Variants in RUBCNL observed in about 807,000 individuals in gnomAD.
RUBCNL encodes the protein rubicon like autophagy enhancer, also known as protein associated with UVRAG as autophagy enhancer.
RUBCNL carries 62 observed loss-of-function variants against 69.5 expected under a neutral mutation model. The observed-to-expected ratio is 0.89, with a 90% CI of 0.73 to 1.10. The LOEUF (loss-of-function observed/expected upper bound fraction) is 1.10. Among genes scored for constraint, RUBCNL ranks in the 50% least tolerant of loss-of-function variants. The probability of loss-of-function intolerance (pLI) is 0.00; values close to 1 mark genes in which losing one functional copy is unlikely to be tolerated. For synonymous variants in RUBCNL, 291 were observed against 303.6 expected (o/e 0.96, Z 0.43); for missense variants, 768 against 798.1 (o/e 0.96, Z 0.45).
chr13:46,363,626 G>C (rs2048681674), intron 5 of RUBCNL, among the ~76,000 whole-genome samples: 1 of 152,134 alleles, frequency 6.6e-6, no homozygotes, highest in Non-Finnish European at 1.5e-5. Context: ...GCTGAGGTAG[G>C]AGAATCACTT....
chr13:46,373,950 C>T (rs1336600989), intron 2 of RUBCNL, among the ~76,000 whole-genome samples: 1 of 152,238 alleles, frequency 6.6e-6, no homozygotes, highest in African/African-American at 2.4e-5. Flanking sequence ...TTCCAATTGC[C>T]CAAGCCTGAA....
At position 46,338,589 on chromosome 13, in the gene RUBCNL, G is replaced by A. The variant is rs560177020; in HGVS notation, c.*4796C>T. Among the ~76,000 whole-genome samples the A allele has an allele frequency of 2.0e-4, 31 of 152,242 alleles. 2 individuals are homozygous for A. The highest frequency in any genetic ancestry group is 6.0e-4 in the African/African-American group (25 of 41,530). ...TGTCTCCTCACCAATGGGGATGTAC[G>A]TAGCCCGAGGAAGGCCAGAGCAGGG... is the stretch of plus-strand genomic sequence containing the variant. On this transcript the variant is annotated 3_prime_UTR_variant, in exon 15 of 15. Coordinates refer to ENST00000429979, the MANE Select transcript of RUBCNL (RefSeq NM_025113.5).
rs763853071 is a variant in RUBCNL at position 46,350,122 on chromosome 13, G to A, written c.1560C>T (p.Asp520=). Residue 520 remains aspartate (D), a synonymous_variant, in exon 11 of 15, where the codon GAC becomes GAT. Transcript: ENST00000429979. ...TGGGGCTGCGGCTCACCTTCACTCT[G>A]TCCAGCTCCTTGGCTTTCGCATACA... ...QSLYAKAKEL[D]RVKEIQEQLF... is the part of the protein sequence containing the mutation. The A allele has an allele frequency of 1.5e-5, 24 of 1,563,804 alleles. No homozygotes were observed. The highest frequency in any genetic ancestry group is 1.5e-4 in the South Asian group (13 of 85,070).
intron 3 of RUBCNL, among the ~76,000 whole-genome samples, 152 bp downstream of exon 3, chr13:46,371,789 A>G (rs2048879961): frequency 6.6e-6 from 1 of 152,258 alleles, no homozygotes; most frequent in African/African-American, 2.4e-5. Flanking sequence ...ATTTGATTTC[A>G]CCTGTTGTGA....
At position 46,344,793 on chromosome 13, in the gene RUBCNL, C is replaced by G. The variant is rs2048209017; in HGVS notation, c.1824G>C (p.Gln608His). 3.7e-6 allele frequency: 6 copies of G among 1,611,906 alleles called. No homozygotes were observed. Among genetic ancestry groups the G allele is most frequent in the African/African-American group, 1.3e-5 (1 of 74,864 alleles). ...GAAATGGGAAGATGACAGTCGTATT[C>G]TGGCAAAATTCACAAATAAAGCCCT... Reference protein sequence around the residue: ...QGKGFICEFCQNTTVIFPFQT... With the variant: ...QGKGFICEFCHNTTVIFPFQT... The change falls in exon 14 of 15, where the codon CAG becomes CAC. Residue 608 changes from glutamine (Q) to histidine (H), a missense_variant. Transcript: ENST00000429979.
Position 46,342,369 on chromosome 13 carries a change from T to C in RUBCNL, c.*1016A>G, listed in dbSNP as rs1345361772. 6.6e-6 allele frequency: 1 copy of C among 152,042 alleles called. No homozygotes were observed. Among genetic ancestry groups the C allele is most frequent in the Non-Finnish European group, 1.5e-5 (1 of 68,024 alleles). The allele number at this position is 152,042 out of a possible 1,614,324, so 9.4% of individuals were successfully genotyped here. On this transcript the variant is annotated 3_prime_UTR_variant, in exon 15 of 15. Transcript: ENST00000429979. ...GGTTGCAAACCGTTCAGTCTAAAGG[T>C]ATACCATGAAGGGACCCAGCCTCAA...
At chr13:46,358,055 A>C (rs554399511) in intron 9 of RUBCNL, among the ~76,000 whole-genome samples, 1 of 152,306 alleles carries the variant, frequency 6.6e-6, no homozygotes, top group South Asian at 2.1e-4. Context: ...AAATATGCTA[A>C]ATCTCTGCCC....
intron 1 of RUBCNL, 47 bp from the exon 2 acceptor site, chr13:46,378,052 G>A: frequency 1.0e-6 from 1 of 975,828 alleles, no homozygotes; most frequent in South Asian, 1.7e-5. Flanking sequence ...ACCACTGCCA[G>A]GTATGTTACT....
intron 9 of RUBCNL, among the ~76,000 whole-genome samples, chr13:46,357,382 C>G (rs2048513012): frequency 6.7e-6 from 1 of 149,346 alleles, no homozygotes; most frequent in African/African-American, 2.5e-5. Flanking sequence ...CAGAAGTCAG[C>G]GTCACTGATA....
At chr13:46,376,218 G>A (rs543843664) in intron 2 of RUBCNL, among the ~76,000 whole-genome samples, 1 of 151,986 alleles carries the variant, frequency 6.6e-6, no homozygotes, top group East Asian at 1.9e-4. Context: ...AACTGCACAG[G>A]GTGTTAGTGT....
intron 2 of RUBCNL, among the ~76,000 whole-genome samples, chr13:46,375,961 A>G (rs1454234312): frequency 6.6e-6 from 1 of 152,240 alleles, no homozygotes; most frequent in African/African-American, 2.4e-5. Context: ...TGAGAGGATG[A>G]GGATGAAGAC....
At chr13:46,388,428 C>T (rs1462922521), upstream of RUBCNL, among the ~76,000 whole-genome samples, 1 of 134,888 alleles carries the variant, frequency 7.4e-6, no homozygotes, top group Non-Finnish European at 1.5e-5. Flanking sequence ...GGAACCTAAG[C>T]CCAGGAAGGA....
intron 5 of RUBCNL, among the ~76,000 whole-genome samples, chr13:46,364,596 A>C (rs2048707680): frequency 6.6e-6 from 1 of 150,794 alleles, no homozygotes; most frequent in Admixed American, 6.6e-5. Context: ...TTACATTGTG[A>C]CTTAGTACAG....
rs2048113888 is a variant in RUBCNL at position 46,337,858 on chromosome 13, T to A, written c.*5527A>T. On this transcript the variant is annotated 3_prime_UTR_variant, in exon 15 of 15. Transcript: ENST00000429979. ...TCCTGAGTAGTTCTATTTCAAACAA[T>A]CACTCAGGGAGCTGGGTAGGGCCCT... Among the ~76,000 whole-genome samples, 1 of 152,118 alleles carries A rather than the reference T, an allele frequency of 6.6e-6. No individual in the cohort carries two copies. The highest frequency in any genetic ancestry group is 2.4e-5 in the African/African-American group (1 of 41,426).
rs774620986 is a variant in RUBCNL, at chr13:46,349,301, C to A, written c.1616G>T (p.Cys539Phe). 12 of 1,613,642 alleles carry A rather than the reference C, an allele frequency of 7.4e-6. No homozygotes were observed. In the South Asian group the frequency reaches 1.3e-4, roughly 18 times the overall value. ...AGAATAGTACCTGTTAGCAAACCTA[C>A]AGGTCTTCAACAGCTTCTTGATATG... ...LFHIKKLLKT[C>F]RFANSALKEF... The change falls in exon 12 of 15, where the codon TGT becomes TTT. Residue 539 changes from cysteine (C) to phenylalanine (F), a missense_variant. Transcript: ENST00000429979.
Position 46,350,120 on chromosome 13 carries a change from CT to C in RUBCNL, c.1561del (p.Arg521GlufsTer2), listed in dbSNP as rs759143470. 54 of 1,558,490 alleles carry C rather than the reference CT, an allele frequency of 3.5e-5. 2 individuals are homozygous for C. The South Asian group carries it at 6.1e-4, about 18-fold the overall frequency. Reference protein sequence around the residue: ...SLYAKAKELDRVKEIQEQLFH... With the variant: ...SLYAKAKELDXVKEIQEQLFH... ...GTTGGGGCTGCGGCTCACCTTCACTCTGTCCAGCTCCTTGGCTTTCGCATAC... is the reference window on the plus strand; with the variant it reads ...GTTGGGGCTGCGGCTCACCTTCACTCGTCCAGCTCCTTGGCTTTCGCATAC... On this transcript the variant is annotated frameshift_variant, in exon 11 of 15. Transcript: ENST00000429979. LOFTEE classifies it high-confidence loss of function.
chr13:46,344,353 G>A (rs1425240842), intron 14 of RUBCNL, among the ~76,000 whole-genome samples: 2 of 152,200 alleles, frequency 1.3e-5, no homozygotes, highest in South Asian at 2.1e-4. Context: ...TTTAGACCCT[G>A]AGGGCCATGT....
intron 8 of RUBCNL, among the ~76,000 whole-genome samples, chr13:46,360,164 G>A (rs764320651): frequency 6.6e-6 from 1 of 151,958 alleles, no homozygotes; most frequent in Non-Finnish European, 1.5e-5. Context: ...CGAGGTGGGT[G>A]GATCACTTGA....
rs1215729092 is a variant in RUBCNL at position 46,338,315 on chromosome 13, G to T, written c.*5070C>A. Among the ~76,000 whole-genome samples, 1 of 152,148 alleles carries T rather than the reference G, an allele frequency of 6.6e-6. No individual in the cohort carries two copies. The highest frequency in any genetic ancestry group is 1.5e-5 in the Non-Finnish European group (1 of 68,028). ...CCTCACTGCTCTGCTCTGGAGCATG[G>T]TGGCTCAGGTATAGCTAGCATTGGG... is the stretch of plus-strand genomic sequence containing the variant. On this transcript the variant is annotated 3_prime_UTR_variant, in exon 15 of 15. Transcript: ENST00000429979.
Sources: gnomAD v4.1 joint callset for allele counts (sites outside exome capture counted in the v4.1 genomes callset) on GRCh38, gnomAD v4.1.1 for gene constraint, MANE v1.5 for transcripts, NCBI Gene and HGNC (gene_info 2026-07-23, HGNC 2026-07-21) for gene names.